GYPE: variants seen among roughly 807,000 people sequenced by gnomAD.
GYPE encodes the protein glycophorin-E.
A neutral mutation model predicts 11.6 loss-of-function variants in GYPE; 8 were observed. The observed-to-expected ratio is 0.69, with a 90% confidence interval of 0.41 to 1.25. The LOEUF (loss-of-function observed/expected upper bound fraction) is 1.25. Ranked by LOEUF, GYPE falls within the 50% of genes most tolerant of loss-of-function variation. The pLI is 0.01. For synonymous variants in GYPE, 28 were observed against 29.6 expected (o/e 0.94, Z 0.18); for missense variants, 90 against 92.8 (o/e 0.97, Z 0.12).
intron 1 of GYPE, among the ~76,000 whole-genome samples, chr4:143,904,118 T>C (rs1303541869): frequency 3.3e-5 from 5 of 152,096 alleles, no homozygotes; most frequent in African/African-American, 1.2e-4. Context: ...ATGTTTGTTT[T>C]CTGTTTTCTT....
chr4:143,893,658 T>C (rs534382349), intron 1 of GYPE, among the ~76,000 whole-genome samples: 6 of 152,332 alleles, frequency 3.9e-5, no homozygotes, highest in South Asian at 2.1e-4. Context: ...TTCTGGCTTG[T>C]AGAGTTTCTG....
chr4:143,874,688 G>A (rs143664720), intron 3 of GYPE, among the ~76,000 whole-genome samples: 2,095 of 152,262 alleles, frequency 0.014, 20 homozygotes, highest in Middle Eastern at 0.037. Flanking sequence ...AAGAGGAAAC[G>A]TGCTGCACAT....
At chr4:143,876,618 C>G in intron 3 of GYPE, 128 bp downstream of exon 3, 1 of 623,384 alleles carries the variant, frequency 1.6e-6, no homozygotes, top group South Asian at 1.9e-5. Flanking sequence ...TTCTATGTGT[C>G]CAGTTGAAAA....
intron 1 of GYPE, among the ~76,000 whole-genome samples, chr4:143,901,034 T>C: frequency 6.6e-6 from 1 of 152,210 alleles, no homozygotes; most frequent in East Asian, 1.9e-4. Flanking sequence ...CTTAGAACAG[T>C]GCATGGCACA....
intron 2 of GYPE, among the ~76,000 whole-genome samples, chr4:143,877,411 A>G (rs564052940): frequency 3.2e-4 from 48 of 152,300 alleles, no homozygotes; most frequent in African/African-American, 1.1e-3. Context: ...TCTATATTCT[A>G]AGCTTTATTC....
chr4:143,896,534 T>C (rs1239423746), intron 1 of GYPE, among the ~76,000 whole-genome samples: 1 of 152,102 alleles, frequency 6.6e-6, no homozygotes, highest in Non-Finnish European at 1.5e-5. Context: ...TGTGGAGAAA[T>C]AGGAACACTT....
chr4:143,878,157 A>G (rs1415405936), intron 2 of GYPE, among the ~76,000 whole-genome samples: 2 of 152,070 alleles, frequency 1.3e-5, no homozygotes, highest in Non-Finnish European at 2.9e-5. Flanking sequence ...TTTTTGAGAC[A>G]TGGTCTTACC....
chr4:143,878,734 T>C (rs528044675), intron 2 of GYPE: 177 of 465,614 alleles, frequency 3.8e-4, no homozygotes, highest in Middle Eastern at 1.3e-3. Flanking sequence ...AAGAAAAAAA[T>C]CATTTTGGAA....
At chr4:143,876,079 TAAGA>T (rs1281054786) in intron 3 of GYPE, among the ~76,000 whole-genome samples, 14 of 152,194 alleles carry the variant, frequency 9.2e-5, no homozygotes, top group Middle Eastern at 3.4e-3. Context: ...ATGTGAGAAT[TAAGA>T]AAGGCAAAAG....
chr4:143,901,434 A>G (rs996306887), intron 1 of GYPE, among the ~76,000 whole-genome samples: 41 of 150,282 alleles, frequency 2.7e-4, no homozygotes, highest in African/African-American at 1.0e-3. Context: ...AAAAAAAAAT[A>G]AAATCTTACA....
At chr4:143,905,290 C>G (rs1033496622) in intron 1 of GYPE, among the ~76,000 whole-genome samples, 181 bp downstream of exon 1, 10 of 152,136 alleles carry the variant, frequency 6.6e-5, no homozygotes, top group Admixed American at 1.3e-4. Flanking sequence ...ACTGGGCTCC[C>G]TTGTGCCATT....
At chr4:143,892,095 C>T (rs188592903) in intron 1 of GYPE, among the ~76,000 whole-genome samples, 4 of 152,202 alleles carry the variant, frequency 2.6e-5, no homozygotes, top group African/African-American at 7.2e-5. Flanking sequence ...AGTTTATTTG[C>T]GTAGAGGTGT....
At chr4:143,875,011 C>T (rs1230998629) in intron 3 of GYPE, among the ~76,000 whole-genome samples, 1 of 152,142 alleles carries the variant, frequency 6.6e-6, no homozygotes, top group Admixed American at 6.6e-5. Flanking sequence ...GGTCCTTGCC[C>T]TCAAGGATCT....
intron 1 of GYPE, among the ~76,000 whole-genome samples, chr4:143,904,239 TTAA>T (rs1744977150): frequency 6.6e-6 from 1 of 152,144 alleles, no homozygotes; most frequent in South Asian, 2.1e-4. Flanking sequence ...TAATATATTA[TTAA>T]TACTTATTAA....
chr4:143,889,438 A>C (rs1222947755), intron 1 of GYPE, among the ~76,000 whole-genome samples: 1 of 152,022 alleles, frequency 6.6e-6, no homozygotes, highest in Non-Finnish European at 1.5e-5. Context: ...TGGTTGGGGG[A>C]TCTGTGAAAG....
At position 143,903,057 on chromosome 4, in the gene GYPE, G is replaced by T. The variant is rs753876211; in HGVS notation, c.37+2414C>A. Among the ~76,000 whole-genome samples, 6 of 151,228 alleles carry T rather than the reference G, an allele frequency of 4.0e-5. No homozygotes were observed. In the South Asian group the frequency reaches 1.0e-3, roughly 26 times the overall value. ...TGTCCTCTTTTCCCAGAATTTTCAG[G>T]GTTGGCTCCATTCTCCTTGTTCCAC... is the stretch of plus-strand genomic sequence containing the variant. On this transcript the variant is annotated intron_variant, in intron 1 of 3. Coordinates refer to ENST00000358615, the MANE Select transcript of GYPE (RefSeq NM_198682.3).
intron 3 of GYPE, among the ~76,000 whole-genome samples, chr4:143,876,530 G>A (rs1743814312): frequency 1.3e-5 from 2 of 152,134 alleles, no homozygotes; most frequent in South Asian, 4.2e-4. Context: ...TGGGAAAATG[G>A]GGGACAGATT....
intron 2 of GYPE, among the ~76,000 whole-genome samples, chr4:143,878,853 T>G (rs1176111848): frequency 1.3e-5 from 2 of 152,168 alleles, no homozygotes; most frequent in African/African-American, 4.8e-5. Context: ...GTCCTACCAT[T>G]AGTAATTTCA....
At chr4:143,891,033 T>G (rs547016025) in intron 1 of GYPE, among the ~76,000 whole-genome samples, 1 of 152,224 alleles carries the variant, frequency 6.6e-6, no homozygotes, top group South Asian at 2.1e-4. Context: ...GTCTAAAACT[T>G]AAGTTTTTCA....
Sources: allele counts gnomAD v4.1 joint callset (sites outside exome capture counted in the v4.1 genomes callset), GRCh38; gene constraint gnomAD v4.1.1; transcripts MANE v1.5; gene names NCBI Gene and HGNC (gene_info 2026-07-23, HGNC 2026-07-21).